ACSS3: variants seen among roughly 807,000 people sequenced by gnomAD.
ACSS3 encodes acyl-CoA synthetase short-chain family member 3, mitochondrial.
A neutral mutation model predicts 84.2 loss-of-function variants in ACSS3; 64 were observed. The ratio of observed to expected loss-of-function variants is 0.76; its 90% confidence interval spans 0.62 to 0.94. The LOEUF is 0.94. Ranked by LOEUF, ACSS3 falls within the 40% of genes least tolerant of loss-of-function variation. The probability of loss-of-function intolerance (pLI) is 0.00; values close to 1 mark genes in which losing one functional copy is unlikely to be tolerated. For missense variants in ACSS3, 815 were observed against 867.6 expected, an observed-to-expected ratio of 0.94 and a Z score of 0.76; for synonymous variants, 317 against 310.1, an observed-to-expected ratio of 1.02 and a Z score of -0.23.
intron 1 of ACSS3, among the ~76,000 whole-genome samples, chr12:81,099,984 C>G (rs574032643): frequency 1.3e-5 from 2 of 152,084 alleles, no homozygotes; most frequent in Non-Finnish European, 2.9e-5. Flanking sequence ...AATGTGTGAA[C>G]CAAATACATG....
intron 10 of ACSS3, 42 bp downstream of exon 10, chr12:81,217,038 G>T (rs748031557): frequency 1.4e-5 from 21 of 1,496,656 alleles, no homozygotes; most frequent in Non-Finnish European, 1.8e-5. Flanking sequence ...AATAAATTTG[G>T]CATTTTCTTG....
chr12:81,110,007 T>C (rs1883442668), intron 2 of ACSS3, among the ~76,000 whole-genome samples: 1 of 152,190 alleles, frequency 6.6e-6, no homozygotes, highest in Non-Finnish European at 1.5e-5. Flanking sequence ...CCATCACCTT[T>C]GGCTGCTCCC....
At chr12:81,118,832 T>C (rs150399207) in intron 2 of ACSS3, among the ~76,000 whole-genome samples, 85 of 152,244 alleles carry the variant, frequency 5.6e-4, no homozygotes, top group African/African-American at 2.0e-3. Context: ...AAAACATGAT[T>C]CCTGAATTTC....
chr12:81,197,496 C>T (rs528135920), intron 8 of ACSS3, among the ~76,000 whole-genome samples: 3 of 152,128 alleles, frequency 2.0e-5, no homozygotes, highest in Non-Finnish European at 2.9e-5. Context: ...CCCCACTCTT[C>T]AGACCTCCTT....
At chr12:81,093,474 AAAAG>A in intron 1 of ACSS3, among the ~76,000 whole-genome samples, 1 of 152,216 alleles carries the variant, frequency 6.6e-6, no homozygotes, top group East Asian at 1.9e-4. Flanking sequence ...CAAAAAAAAA[AAAAG>A]AATTCTGATT....
chr12:81,200,993 T>C lies in ACSS3; in HGVS notation c.1354+1549T>C, dbSNP rs561942576. On this transcript the variant is annotated intron_variant, in intron 9 of 15. Transcript: ENST00000548058. Reference sequence around the variant, plus strand: ...TGAATAATCAGAGCAGAGGACACTTTCCTTACATAAGATGAAAATCAGAAA... The same window carrying C: ...TGAATAATCAGAGCAGAGGACACTTCCCTTACATAAGATGAAAATCAGAAA... 2.0e-5 allele frequency among the ~76,000 whole-genome samples: 3 copies of C among 152,244 alleles called. No individual in the cohort carries two copies. In the South Asian group the frequency reaches 6.2e-4, roughly 32 times the overall value.
intron 8 of ACSS3, among the ~76,000 whole-genome samples, chr12:81,190,718 A>G (rs2031526037): frequency 6.6e-6 from 1 of 152,040 alleles, no homozygotes; most frequent in Non-Finnish European, 1.5e-5. Flanking sequence ...ATTAAGGAAA[A>G]TGATTTTAGC....
chr12:81,086,570 G>A (rs1293046890), intron 1 of ACSS3, among the ~76,000 whole-genome samples: 7 of 152,046 alleles, frequency 4.6e-5, no homozygotes, highest in African/African-American at 9.7e-5. Flanking sequence ...AAATTCAATC[G>A]GCTGTGACTG....
chr12:81,084,701 TC>T (rs1001770886), intron 1 of ACSS3, among the ~76,000 whole-genome samples: 11 of 151,934 alleles, frequency 7.2e-5, no homozygotes, highest in Non-Finnish European at 1.6e-4. Flanking sequence ...GATGAGACAT[TC>T]AAAGAAAGAG....
At chr12:81,115,405 C>T (rs1451929208) in intron 2 of ACSS3, among the ~76,000 whole-genome samples, 1 of 151,582 alleles carries the variant, frequency 6.6e-6, no homozygotes, top group Non-Finnish European at 1.5e-5. Flanking sequence ...ATTTTTTTTT[C>T]CCTGATGACA....
chr12:81,219,417 A>G lies in ACSS3; in HGVS notation c.1451-596A>G, dbSNP rs145011064. Reference sequence around the variant, plus strand: ...ATAATCTATTAAAGCCTAAAAGATGATGACTTATCTTCATATTTAGTTTGC... The same window carrying G: ...ATAATCTATTAAAGCCTAAAAGATGGTGACTTATCTTCATATTTAGTTTGC... On this transcript the variant is annotated intron_variant, in intron 10 of 15. Transcript: ENST00000548058. Among the ~76,000 whole-genome samples the G allele has an allele frequency of 1.1e-3, 167 of 152,262 alleles. 2 individuals carry two copies. Among genetic ancestry groups the G allele is most frequent in the African/African-American group, 3.9e-3 (163 of 41,574 alleles).
At chr12:81,197,351 C>T (rs1162285783) in intron 8 of ACSS3, among the ~76,000 whole-genome samples, 2 of 152,040 alleles carry the variant, frequency 1.3e-5, no homozygotes, top group Admixed American at 1.3e-4. Context: ...TCAAATGCAC[C>T]TTCAGGGCCA....
At chr12:81,100,434 T>C (rs1300673107) in intron 1 of ACSS3, among the ~76,000 whole-genome samples, 1 of 152,154 alleles carries the variant, frequency 6.6e-6, no homozygotes, top group Non-Finnish European at 1.5e-5. Context: ...CATCTTTGAC[T>C]TCTTTACAAG....
chr12:81,090,594 C>T (rs1049041777), intron 1 of ACSS3, among the ~76,000 whole-genome samples: 2 of 151,996 alleles, frequency 1.3e-5, no homozygotes, highest in African/African-American at 2.4e-5. Context: ...TCTATCCAAT[C>T]AGAACCTCAA....
chr12:81,131,792 A>G (rs922318978), intron 2 of ACSS3, among the ~76,000 whole-genome samples: 4 of 152,120 alleles, frequency 2.6e-5, no homozygotes, highest in Non-Finnish European at 5.9e-5. Flanking sequence ...TTATTTTGAG[A>G]TACATCCCAA....
chr12:81,139,110 A>T, intron 3 of ACSS3, 21 bp from the exon 4 acceptor site: 1 of 1,607,828 alleles, frequency 6.2e-7, no homozygotes, highest in Non-Finnish European at 8.5e-7. Context: ...CTTTCTCTCC[A>T]TTATTATTTT....
At chr12:81,128,353 T>G (rs1344034274) in intron 2 of ACSS3, among the ~76,000 whole-genome samples, 2 of 152,156 alleles carry the variant, frequency 1.3e-5, no homozygotes, top group Non-Finnish European at 2.9e-5. Context: ...CCAAAATGAT[T>G]CATCTAATTT....
At chr12:81,148,009 AATATAT>A (rs35810499) in intron 5 of ACSS3, among the ~76,000 whole-genome samples, 1 of 150,904 alleles carries the variant, frequency 6.6e-6, no homozygotes, top group African/African-American at 2.4e-5. Flanking sequence ...TACATATGTA[AATATAT>A]ATATATATTT....
chr12:81,131,407 C>G (rs1408044151), intron 2 of ACSS3, among the ~76,000 whole-genome samples: 1 of 152,028 alleles, frequency 6.6e-6, no homozygotes, highest in African/African-American at 2.4e-5. Flanking sequence ...TGGGAATTCG[C>G]TCATGATTTG....
Sources: allele counts gnomAD v4.1 joint callset (sites outside exome capture counted in the v4.1 genomes callset), GRCh38; gene constraint gnomAD v4.1.1; transcripts MANE v1.5; gene names NCBI Gene and HGNC (gene_info 2026-07-23, HGNC 2026-07-21).